Variants in REC114 observed in about 807,000 individuals in gnomAD.
The protein encoded by REC114 is REC114 meiotic recombination protein.
Under a neutral mutation model 31.3 loss-of-function variants are expected in REC114, and 27 were observed. The observed-to-expected ratio is 0.86, with a 90% confidence interval of 0.64 to 1.19. The LOEUF is 1.19. REC114 is among the 50% of genes most tolerant of loss of function. REC114 has a pLI of 0.00. For missense variants in REC114, 344 were observed against 326.9 expected (o/e 1.05, Z -0.40); for synonymous variants, 134 against 127.7 (o/e 1.05, Z -0.33).
chr15:73,504,499 T>C (rs1488929614), intron 2 of REC114, among the ~76,000 whole-genome samples: 2 of 152,130 alleles, frequency 1.3e-5, no homozygotes, highest in African/African-American at 4.8e-5. Flanking sequence ...TCCTGGACCA[T>C]GTTCTTGTTT....
At chr15:73,486,594 T>A (rs755335393) in intron 2 of REC114, among the ~76,000 whole-genome samples, 4 of 152,188 alleles carry the variant, frequency 2.6e-5, no homozygotes, top group African/African-American at 9.7e-5. Flanking sequence ...GCAATGCAAA[T>A]TTATATCTTA....
At chr15:73,538,146 A>G (rs1410294644) in intron 2 of REC114, among the ~76,000 whole-genome samples, 1 of 152,184 alleles carries the variant, frequency 6.6e-6, no homozygotes, top group East Asian at 1.9e-4. Context: ...GCAGTGAACA[A>G]TATTTTCCTA....
intron 2 of REC114, among the ~76,000 whole-genome samples, chr15:73,493,012 A>C (rs766869831): frequency 1.4e-5 from 2 of 146,920 alleles, no homozygotes; most frequent in Admixed American, 6.7e-5. Context: ...ATTTTTTTTT[A>C]TTTTTATTTA....
intron 2 of REC114, among the ~76,000 whole-genome samples, chr15:73,486,663 A>G (rs554399681): frequency 6.6e-6 from 1 of 152,310 alleles, no homozygotes; most frequent in African/African-American, 2.4e-5. Flanking sequence ...AGGTATCTCT[A>G]CTTCCAAATG....
chr15:73,462,175 C>A (rs1278286063), intron 1 of REC114, among the ~76,000 whole-genome samples: 1 of 151,892 alleles, frequency 6.6e-6, no homozygotes, highest in East Asian at 1.9e-4. Context: ...TGTGATCCAC[C>A]CACCTCAGCC....
At chr15:73,527,175 G>A (rs2141322836) in intron 2 of REC114, among the ~76,000 whole-genome samples, 1 of 152,260 alleles carries the variant, frequency 6.6e-6, no homozygotes, top group African/African-American at 2.4e-5. Flanking sequence ...CTAGCTAGTT[G>A]TAACTTAAAC....
chr15:73,457,269 G>A (rs1259201437), intron 1 of REC114, among the ~76,000 whole-genome samples: 5 of 152,180 alleles, frequency 3.3e-5, no homozygotes, highest in South Asian at 2.1e-4. Context: ...CCTGTCCTGT[G>A]TGAGCTCTGG....
At chr15:73,494,283 A>G (rs1893485919) in intron 2 of REC114, among the ~76,000 whole-genome samples, 2 of 152,144 alleles carry the variant, frequency 1.3e-5, no homozygotes, top group Admixed American at 6.5e-5. Flanking sequence ...GATTGCAGTG[A>G]GCCGAGATCT....
intron 2 of REC114, chr15:73,484,091 T>A (rs1308832682): frequency 2.6e-5 from 4 of 152,226 alleles, no homozygotes; most frequent in African/African-American, 9.7e-5. Context: ...GTTGTTTTTT[T>A]AAAATGATAA....
At chr15:73,496,034 T>C (rs571232641) in intron 2 of REC114, among the ~76,000 whole-genome samples, 1 of 152,160 alleles carries the variant, frequency 6.6e-6, no homozygotes, top group Non-Finnish European at 1.5e-5. Context: ...TTATTTAAAC[T>C]TTTTATTTAG....
intron 2 of REC114, among the ~76,000 whole-genome samples, chr15:73,474,575 A>G (rs1168124966): frequency 3.9e-5 from 6 of 152,230 alleles, no homozygotes; most frequent in African/African-American, 1.2e-4. Flanking sequence ...AATGGGGTCT[A>G]CATTGACATA....
chr15:73,556,482 A>G, intron 5 of REC114, 91 bp downstream of exon 5: 1 of 1,076,912 alleles, frequency 9.3e-7, no homozygotes, highest in South Asian at 1.5e-5. Flanking sequence ...TTGTTTTAGG[A>G]GAGAAACTTC....
intron 2 of REC114, among the ~76,000 whole-genome samples, chr15:73,499,019 G>A (rs1192427233): frequency 1.3e-5 from 2 of 151,956 alleles, no homozygotes; most frequent in Non-Finnish European, 1.5e-5. Context: ...TGTTGTTGTT[G>A]GTCTTTGGCT....
intron 1 of REC114, among the ~76,000 whole-genome samples, chr15:73,462,509 C>T (rs1293031782): frequency 2.0e-5 from 3 of 152,146 alleles, no homozygotes; most frequent in Non-Finnish European, 2.9e-5. Context: ...CCTCTAACAA[C>T]TTGTATTCTA....
intron 2 of REC114, among the ~76,000 whole-genome samples, chr15:73,528,542 G>A (rs1894035543): frequency 6.6e-6 from 1 of 152,208 alleles, no homozygotes; most frequent in Non-Finnish European, 1.5e-5. Flanking sequence ...CTTTAGGGCA[G>A]GGGTTAGCAC....
At chr15:73,465,799 G>T (rs1893048738) in intron 1 of REC114, among the ~76,000 whole-genome samples, 1 of 151,730 alleles carries the variant, frequency 6.6e-6, no homozygotes, top group African/African-American at 2.4e-5. Context: ...TATAAGGCAG[G>T]AAAAAAAATC....
chr15:73,517,845 A>T (rs182581512), intron 2 of REC114, among the ~76,000 whole-genome samples: 55 of 152,308 alleles, frequency 3.6e-4, no homozygotes, highest in Non-Finnish European at 4.9e-4. Flanking sequence ...GGATCTGGTG[A>T]CCATAGCCTG....
intron 1 of REC114, among the ~76,000 whole-genome samples, chr15:73,461,026 A>T (rs887968321): frequency 1.4e-4 from 22 of 152,212 alleles, no homozygotes; most frequent in African/African-American, 5.1e-4. Context: ...GTAAAAGGGG[A>T]ATTACATCTC....
chr15:73,461,609 C>T (rs992168094), intron 1 of REC114, among the ~76,000 whole-genome samples: 1 of 152,102 alleles, frequency 6.6e-6, no homozygotes, highest in Non-Finnish European at 1.5e-5. Flanking sequence ...CTGACTTGCA[C>T]AAACACATGC....
Sources: allele counts gnomAD v4.1 joint callset (sites outside exome capture counted in the v4.1 genomes callset), GRCh38; gene constraint gnomAD v4.1.1; transcripts MANE v1.5; gene names NCBI Gene and HGNC (gene_info 2026-07-23, HGNC 2026-07-21).